The following RAB10 variants were observed in gnomAD, a reference collection of about 807,000 sequenced individuals.
RAB10 encodes the protein ras-related protein Rab-10.
RAB10 carries 5 observed loss-of-function variants against 25.7 expected under a neutral mutation model. That is an observed-to-expected ratio of 0.19 (90% CI 0.10 to 0.41). RAB10 has a LOEUF of 0.41. Ranked by LOEUF, RAB10 falls within the 10% of genes least tolerant of loss-of-function variation. The pLI is 1.00. For synonymous variants in RAB10, 89 were observed against 86.4 expected, an observed-to-expected ratio of 1.03 and a Z score of -0.16; for missense variants, 103 against 245.8, an observed-to-expected ratio of 0.42 and a Z score of 3.89.
chr2:26,068,289 C>CTGGATA (rs779239199), intron 1 of RAB10, among the ~76,000 whole-genome samples: 6 of 152,044 alleles, frequency 3.9e-5, no homozygotes, highest in Non-Finnish European at 7.4e-5. Flanking sequence ...TGGGTTTGAG[C>CTGGATA]CAGATTGTGC....
rs534551107 is a variant in RAB10, at chr2:26,116,899, G to C, written c.327+6993G>C. ...TTTTTTTAAGAGAGAGGGTCTTGCT[G>C]TGTTGCCCAGGAGGCTGGTCTCAAA... On this transcript the variant is annotated intron_variant, in intron 3 of 5. Transcript: ENST00000264710. Among the ~76,000 whole-genome samples the C allele has an allele frequency of 2.9e-4, 44 of 151,042 alleles. No homozygotes were observed. The South Asian group carries it at 9.3e-3, about 32-fold the overall frequency.
At chr2:26,127,108 G>T in intron 3 of RAB10, 36 bp from the exon 4 acceptor site, 1 of 1,428,186 alleles carries the variant, frequency 7.0e-7, no homozygotes, top group South Asian at 1.2e-5. Flanking sequence ...CGTAATTCAT[G>T]GTAGTATGTA....
intron 2 of RAB10, among the ~76,000 whole-genome samples, chr2:26,103,129 A>C (rs138660748): frequency 5.9e-4 from 90 of 152,346 alleles, no homozygotes; most frequent in East Asian, 3.3e-3. Context: ...CAAGGTCACT[A>C]AGCTGGGAGG....
At chr2:26,107,579 T>C (rs986326748) in intron 2 of RAB10, among the ~76,000 whole-genome samples, 3 of 152,084 alleles carry the variant, frequency 2.0e-5, no homozygotes. Context: ...GCTGATCACC[T>C]GAGGTCAGGA....
chr2:26,069,273 C>T (rs574383286), intron 1 of RAB10, among the ~76,000 whole-genome samples: 1 of 152,176 alleles, frequency 6.6e-6, no homozygotes, highest in South Asian at 2.1e-4. Context: ...AAGAGATAAC[C>T]CCAACAGTTT....
chr2:26,046,422 A>G, intron 1 of RAB10, among the ~76,000 whole-genome samples: 1 of 152,140 alleles, frequency 6.6e-6, no homozygotes, highest in East Asian at 1.9e-4. Flanking sequence ...AATGAGAAAA[A>G]CGTTTTTATT....
Position 26,034,199 on chromosome 2 carries a change from T to C in RAB10, c.-410T>C, listed in dbSNP as rs2149258741. 4.7e-6 allele frequency: 2 copies of C among 430,080 alleles called. No individual in the cohort carries two copies. Among genetic ancestry groups the C allele is most frequent in the Non-Finnish European group, 8.2e-6 (2 of 243,104 alleles). 26.6% of individuals were successfully genotyped at this position (430,080 alleles called of 1,614,324 possible). ...AGCTCGTCGACTTAGGGGTCCTTCT[T>C]CGCTGCCCTCGCCGCGTGCTAGCAG... On this transcript the variant is annotated 5_prime_UTR_variant, in exon 1 of 6. Transcript: ENST00000264710.
chr2:26,052,070 C>CA (rs1559579049), intron 1 of RAB10, among the ~76,000 whole-genome samples: 1 of 145,800 alleles, frequency 6.9e-6, no homozygotes. Flanking sequence ...AAAAAAAAAA[C>CA]AAAAAGTCAT....
rs573979213 is a variant in RAB10 at position 26,134,720 on chromosome 2, G to A, written c.520-218G>A. ...TCAGAAGCTTTATAAAGGCATGCCA[G>A]GAAATGTCTACAATATTTCACAGCT... On this transcript the variant is annotated intron_variant, in intron 5 of 5. Coordinates refer to ENST00000264710, the MANE Select transcript of RAB10 (RefSeq NM_016131.5). Among the ~76,000 whole-genome samples, 14 of 152,272 alleles carry A rather than the reference G, an allele frequency of 9.2e-5. No homozygotes were observed. The South Asian group carries it at 2.9e-3, about 32-fold the overall frequency.
At chr2:26,111,819 C>G (rs1049812866) in intron 3 of RAB10, among the ~76,000 whole-genome samples, 1 of 152,106 alleles carries the variant, frequency 6.6e-6, no homozygotes, top group Admixed American at 6.6e-5. Context: ...GAATTAGTAT[C>G]AGACTCCACA....
chr2:26,054,415 C>T (rs899409364), intron 1 of RAB10, among the ~76,000 whole-genome samples: 2 of 152,108 alleles, frequency 1.3e-5, no homozygotes, highest in Admixed American at 1.3e-4. Context: ...GTCTGGAACT[C>T]CTGACCTCAG....
At chr2:26,033,417 T>G (rs1375981165), upstream of RAB10, among the ~76,000 whole-genome samples, 1 of 152,234 alleles carries the variant, frequency 6.6e-6, no homozygotes, top group Middle Eastern at 3.2e-3. Context: ...GTTGTGAGGA[T>G]TACCTCATCC....
intron 3 of RAB10, among the ~76,000 whole-genome samples, chr2:26,116,855 CT>C (rs879498612): frequency 6.0e-4 from 88 of 145,796 alleles, no homozygotes; most frequent in Admixed American, 2.5e-3. Flanking sequence ...CACGCCCGGC[CT>C]TTTTTTTTTT....
chr2:26,068,669 G>A (rs919342735), intron 1 of RAB10, among the ~76,000 whole-genome samples: 2 of 152,090 alleles, frequency 1.3e-5, no homozygotes, highest in Admixed American at 6.6e-5. Flanking sequence ...TAAACTCTGA[G>A]CCTCTTTCTT....
chr2:26,104,554 G>A (rs539654224), intron 2 of RAB10, among the ~76,000 whole-genome samples: 9 of 152,014 alleles, frequency 5.9e-5, no homozygotes, highest in South Asian at 2.1e-4. Context: ...TGTATTGTTC[G>A]CTGAAATACA....
intron 1 of RAB10, among the ~76,000 whole-genome samples, chr2:26,045,271 G>A (rs1574525369): frequency 6.7e-6 from 1 of 148,200 alleles, no homozygotes; most frequent in Non-Finnish European, 1.5e-5. Context: ...ACAGAGTCTC[G>A]TTCTGTCGCC....
intron 1 of RAB10, among the ~76,000 whole-genome samples, chr2:26,037,527 T>C (rs1052343582): frequency 2.2e-4 from 33 of 151,956 alleles, no homozygotes; most frequent in African/African-American, 8.0e-4. Flanking sequence ...TAATCCCAGT[T>C]ACTCAGGAGG....
intron 1 of RAB10, among the ~76,000 whole-genome samples, chr2:26,092,582 G>A (rs13030858): frequency 0.77 from 117,068 of 151,920 alleles, 45,149 homozygotes; most frequent in East Asian, 0.87. Flanking sequence ...TGAGGCTTCT[G>A]TCTTGACCAG....
chr2:26,077,749 G>A (rs920644229), intron 1 of RAB10, among the ~76,000 whole-genome samples: 1 of 152,186 alleles, frequency 6.6e-6, no homozygotes, highest in African/African-American at 2.4e-5. Flanking sequence ...GGAGGCTGAG[G>A]TGGGCGGATC....
Sources: allele counts gnomAD v4.1 joint callset (sites outside exome capture counted in the v4.1 genomes callset), GRCh38; gene constraint gnomAD v4.1.1; transcripts MANE v1.5; gene names NCBI Gene and HGNC (gene_info 2026-07-23, HGNC 2026-07-21).